The following KHDC1 variants were observed in gnomAD, a reference collection of about 807,000 sequenced individuals.
The protein encoded by KHDC1 is KH domain containing 1.
In KHDC1, 21 loss-of-function variants were observed where a neutral mutation model predicts 24.7. The observed-to-expected ratio is 0.85, with a 90% CI of 0.60 to 1.23. KHDC1 has a LOEUF of 1.23. Among genes scored for constraint, KHDC1 ranks in the 50% most tolerant of loss-of-function variants. The pLI is 0.00. For missense variants in KHDC1, 274 were observed against 298.5 expected (o/e 0.92, Z 0.61); for synonymous variants, 98 against 111.7 (o/e 0.88, Z 0.77).
chr6:73,293,009 G>T (rs920861223), intron 1 of KHDC1: 7 of 1,009,736 alleles, frequency 6.9e-6, no homozygotes, highest in Non-Finnish European at 1.1e-5. Context: ...TAACATGTTG[G>T]CAGACAAATT....
intron 2 of KHDC1, among the ~76,000 whole-genome samples, chr6:73,247,268 C>T (rs1402264041): frequency 5.3e-5 from 8 of 152,124 alleles, no homozygotes; most frequent in East Asian, 1.9e-4. Context: ...TGAGCCAACA[C>T]GCCCAGCCCA....
chr6:73,278,410 G>A (rs1767342680), intron 2 of KHDC1, among the ~76,000 whole-genome samples: 1 of 151,582 alleles, frequency 6.6e-6, no homozygotes, highest in Non-Finnish European at 1.5e-5. Context: ...TATTTTTAGA[G>A]ACAGGGTCTC....
intron 2 of KHDC1, among the ~76,000 whole-genome samples, chr6:73,260,394 T>C (rs1236078441): frequency 6.6e-6 from 1 of 152,210 alleles, no homozygotes; most frequent in Non-Finnish European, 1.5e-5. Flanking sequence ...TTATACCTAG[T>C]AAGCAATCAA....
chr6:73,288,904 G>C (rs970276217), intron 2 of KHDC1, among the ~76,000 whole-genome samples: 7 of 151,722 alleles, frequency 4.6e-5, no homozygotes, highest in African/African-American at 1.7e-4. Context: ...CCTAGTAGAC[G>C]GTCTTAAAGT....
intron 2 of KHDC1, among the ~76,000 whole-genome samples, chr6:73,250,063 T>G (rs189230159): frequency 2.0e-5 from 3 of 152,330 alleles, no homozygotes; most frequent in South Asian, 2.1e-4. Context: ...TTCAAATGTA[T>G]GGGTTTCATT....
intron 2 of KHDC1, among the ~76,000 whole-genome samples, chr6:73,257,348 T>C (rs1472810856): frequency 6.6e-6 from 1 of 152,150 alleles, no homozygotes; most frequent in Non-Finnish European, 1.5e-5. Context: ...GGTTTGGGGA[T>C]TCTCTAACAA....
In KHDC1 at chr6:73,272,856, C is replaced by CTTTT. The variant is rs1158620688; in HGVS notation, c.206+19138_206+19141dup. Among the ~76,000 whole-genome samples the CTTTT allele has an allele frequency of 3.8e-4, 51 of 135,300 alleles. 3 individuals carry two copies. The highest frequency in any genetic ancestry group is 7.0e-4 in the African/African-American group (23 of 33,088). The allele number at this position is 135,300 out of a possible 152,430, so 88.8% of individuals were successfully genotyped here. ...ATAATTTTTTCTTTTCTTTTCTTTT[C>CTTTT]TTTTTCTTTTTTTTTTTTTGGAGAT... On this transcript the variant is annotated intron_variant, in intron 2 of 4. Transcript: ENST00000370384.
intron 2 of KHDC1, among the ~76,000 whole-genome samples, chr6:73,260,131 T>C (rs1366418533): frequency 1.3e-5 from 2 of 152,230 alleles, no homozygotes; most frequent in Non-Finnish European, 2.9e-5. Flanking sequence ...TAGAGTCCGC[T>C]ATTGTGCCTT....
At chr6:73,241,879 A>T in intron 4 of KHDC1, 151 bp from the exon 4 acceptor site, 1 of 1,068,446 alleles carries the variant, frequency 9.4e-7, no homozygotes, top group Non-Finnish European at 1.3e-6. Flanking sequence ...CTACCTCTCC[A>T]CCTTAAGCAA....
At chr6:73,293,928 C>G (rs1767710344) in intron 1 of KHDC1, among the ~76,000 whole-genome samples, 1 of 151,566 alleles carries the variant, frequency 6.6e-6, no homozygotes, top group Non-Finnish European at 1.5e-5. Context: ...ATCGCATGAA[C>G]CCAGGAGGCA....
At chr6:73,302,654 C>T (rs984895882) in intron 1 of KHDC1, among the ~76,000 whole-genome samples, 6 of 152,296 alleles carry the variant, frequency 3.9e-5, no homozygotes, top group South Asian at 2.1e-4. Flanking sequence ...CTGATGGTTA[C>T]GACGCCACTG....
At chr6:73,283,523 G>A (rs141931668) in intron 2 of KHDC1, among the ~76,000 whole-genome samples, 205 of 151,842 alleles carry the variant, frequency 1.4e-3, no homozygotes, top group Non-Finnish European at 2.6e-3. Flanking sequence ...TCCTTCCCAG[G>A]CCTCCCAAAG....
intron 2 of KHDC1, among the ~76,000 whole-genome samples, chr6:73,245,786 A>T (rs1766653925): frequency 6.6e-6 from 1 of 152,178 alleles, no homozygotes; most frequent in African/African-American, 2.4e-5. Context: ...TCACTGAAGA[A>T]TACGTTGGAA....
intron 2 of KHDC1, chr6:73,263,126 G>GGCC: frequency 5.0e-6 from 5 of 996,438 alleles, no homozygotes; most frequent in Non-Finnish European, 6.0e-6. Context: ...GTACCTCCTG[G>GGCC]GCCGCGCACC....
intron 1 of KHDC1, among the ~76,000 whole-genome samples, chr6:73,301,826 C>T (rs1408078793): frequency 6.6e-6 from 1 of 151,858 alleles, no homozygotes; most frequent in Non-Finnish European, 1.5e-5. Context: ...AGAGAGGGAC[C>T]CCACTACGTT....
At chr6:73,265,026 G>A (rs976218224) in intron 2 of KHDC1, among the ~76,000 whole-genome samples, 2 of 151,484 alleles carry the variant, frequency 1.3e-5, no homozygotes, top group Non-Finnish European at 2.9e-5. Flanking sequence ...GATAAAAGGA[G>A]TCATTCAGCC....
intron 2 of KHDC1, among the ~76,000 whole-genome samples, chr6:73,248,618 TAAC>T (rs979771558): frequency 1.4e-4 from 22 of 152,266 alleles, no homozygotes; most frequent in Admixed American, 5.9e-4. Context: ...AAGAGGGAGT[TAAC>T]AAGATATCCC....
At chr6:73,302,489 T>C (rs1767895133) in intron 1 of KHDC1, among the ~76,000 whole-genome samples, 1 of 152,168 alleles carries the variant, frequency 6.6e-6, no homozygotes, top group Non-Finnish European at 1.5e-5. Context: ...TTATTACCCC[T>C]AGGCTACAAA....
exon 4 of KHDC1, chr6:73,242,104 C>T (rs1766582034): frequency 9.3e-6 from 15 of 1,614,062 alleles, no homozygotes; most frequent in Non-Finnish European, 1.2e-5. Flanking sequence ...AAAACATGTG[C>T]AGCAGCCACT....
Sources: gnomAD v4.1 joint callset for allele counts (sites outside exome capture counted in the v4.1 genomes callset) on GRCh38, gnomAD v4.1.1 for gene constraint, MANE v1.5 for transcripts, NCBI Gene and HGNC (gene_info 2026-07-23, HGNC 2026-07-21) for gene names.